The following LPIN1 variants were observed in gnomAD, a reference collection of about 807,000 sequenced individuals.
The protein encoded by LPIN1 is phosphatidate phosphatase LPIN1.
Under a neutral mutation model 107.5 loss-of-function variants are expected in LPIN1, and 71 were observed. That is an observed-to-expected ratio of 0.66 (90% CI 0.55 to 0.80). The LOEUF (loss-of-function observed/expected upper bound fraction) is 0.80. Among genes scored for constraint, LPIN1 ranks in the 30% least tolerant of loss-of-function variants. LPIN1 has a pLI of 0.00. For synonymous variants in LPIN1, 445 were observed against 452.6 expected (o/e 0.98, Z 0.21); for missense variants, 1,043 against 1,160.6 (o/e 0.90, Z 1.47).
intron 1 of LPIN1, among the ~76,000 whole-genome samples, chr2:11,679,020 G>A (rs1661571226): frequency 1.3e-5 from 2 of 152,174 alleles, no homozygotes; most frequent in African/African-American, 4.8e-5. Context: ...AGTTTGCCCG[G>A]TGCTGACTGA....
chr2:11,678,766 C>A (rs1347337187), intron 1 of LPIN1, among the ~76,000 whole-genome samples: 1 of 152,210 alleles, frequency 6.6e-6, no homozygotes, highest in Non-Finnish European at 1.5e-5. Context: ...CTGCTCCCAC[C>A]TCTGCACTGT....
At chr2:11,749,363 CTG>C (rs1023608467) in intron 1 of LPIN1, among the ~76,000 whole-genome samples, 7 of 152,130 alleles carry the variant, frequency 4.6e-5, no homozygotes, top group Admixed American at 3.3e-4. Context: ...TGAAGGGAAT[CTG>C]TGCCCCCTAG....
chr2:11,746,478 G>C (rs928617668), upstream of LPIN1: 1 of 184,696 alleles, frequency 5.4e-6, no homozygotes, highest in Non-Finnish European at 1.0e-5. Flanking sequence ...AGGGGTGAGC[G>C]GGCAGGGCCG....
In LPIN1 at chr2:11,805,161, G is replaced by A. The variant is rs777020024; in HGVS notation, c.2249+5G>A. On this transcript the variant is annotated splice_donor_5th_base_variant and intron_variant, in intron 17 of 20. Transcript: ENST00000674199. The stretch of plus-strand genomic sequence containing the variant: ...GCTGTACCATAAAGTGAGCCAGTGA[G>A]TACAGAGTTCCTGTTTCCCGCCTCC... 10 of 1,609,200 alleles carry A rather than the reference G, an allele frequency of 6.2e-6. No individual in the cohort carries two copies.
intron 18 of LPIN1, chr2:11,818,958 T>C (rs947479178): frequency 2.0e-5 from 3 of 153,142 alleles, no homozygotes; most frequent in African/African-American, 7.2e-5. Flanking sequence ...TGATAATGTG[T>C]TATATTGATT....
chr2:11,818,488 A>G (rs914050989), intron 18 of LPIN1: 1 of 152,100 alleles, frequency 6.6e-6, no homozygotes, highest in Non-Finnish European at 1.5e-5. Flanking sequence ...AATGCATGAA[A>G]ATGATGCGAT....
chr2:11,754,561 G>A (rs114953848), intron 1 of LPIN1, among the ~76,000 whole-genome samples: 8 of 152,324 alleles, frequency 5.3e-5, no homozygotes, highest in Admixed American at 2.0e-4. Context: ...GATGCTGCGG[G>A]TGAGAGCAGT....
intron 1 of LPIN1, among the ~76,000 whole-genome samples, chr2:11,710,624 G>A (rs4535018): frequency 0.98 from 148,736 of 152,328 alleles, 72,714 homozygotes; most frequent in South Asian, 1. Flanking sequence ...ACAGTATTCT[G>A]TCTTTTGATT....
chr2:11,772,883 G>A (rs1672085943), intron 4 of LPIN1, among the ~76,000 whole-genome samples: 1 of 152,102 alleles, frequency 6.6e-6, no homozygotes. Context: ...TTTTCGTGGT[G>A]AAAAATAAAT....
At chr2:11,797,139 A>G (rs899049725) in intron 14 of LPIN1, among the ~76,000 whole-genome samples, 1 of 152,248 alleles carries the variant, frequency 6.6e-6, no homozygotes, top group Non-Finnish European at 1.5e-5. Context: ...CCTGGAATTC[A>G]TTTTAACAAC....
At position 11,802,915 on chromosome 2, in the gene LPIN1, A is replaced by G. The variant is rs1371574952; in HGVS notation, c.1895A>G (p.His632Arg). 1 of 1,613,390 alleles carries G rather than the reference A, an allele frequency of 6.2e-7. No individual in the cohort carries two copies. The highest frequency in any genetic ancestry group is 8.5e-7 in the Non-Finnish European group (1 of 1,180,044). ...PQLSLATRVK[H>R]ESSSSDEERA... ...ATCACTGTGTGTTCCAGGGTAAAGCATGAATCATCCTCCAGTGATGAGGAG... is the reference window on the plus strand; with the variant it reads ...ATCACTGTGTGTTCCAGGGTAAAGCGTGAATCATCCTCCAGTGATGAGGAG... The change falls in exon 15 of 21, where the codon CAT becomes CGT. Residue 632 changes from histidine to arginine, a missense_variant. Coordinates refer to ENST00000674199, the MANE Select transcript of LPIN1 (RefSeq NM_001349206.2).
chr2:11,776,923 A>T (rs1672762961), intron 6 of LPIN1, among the ~76,000 whole-genome samples: 1 of 152,222 alleles, frequency 6.6e-6, no homozygotes, highest in African/African-American at 2.4e-5. Context: ...AGACCTCAGG[A>T]TGTACTTCAT....
rs1673704890 is a variant in LPIN1, at chr2:11,782,305, T to C, written c.1062T>C (p.Phe354=). 2 of 1,614,188 alleles carry C rather than the reference T, an allele frequency of 1.2e-6. No individual in the cohort carries two copies. The highest frequency in any genetic ancestry group is 1.7e-6 in the Non-Finnish European group (2 of 1,180,014). Residue 354 remains phenylalanine (F), a synonymous_variant, in exon 8 of 21, where the codon TTT becomes TTC. Transcript: ENST00000674199. ...TTCACAGCGAATCTTCAGACACTTT[T>C]AGTGACCAATCGCCAACTCTGGTCG... is the stretch of plus-strand genomic sequence containing the variant. ...QAIHSESSDT[F]SDQSPTLVGG... is the part of the protein sequence containing the mutation.
rs1163544723 is a variant in LPIN1, at chr2:11,697,928, C to A, written c.82-15828C>A. Among the ~76,000 whole-genome samples the A allele has an allele frequency of 6.6e-6, 1 of 152,132 alleles. No homozygotes were observed. The highest frequency in any genetic ancestry group is 2.4e-5 in the African/African-American group (1 of 41,420). On this transcript the variant is annotated intron_variant, in intron 1 of 21. Coordinates refer to the LPIN1 transcript ENST00000449576. The surrounding 1 kb of genome is among the most constrained non-coding windows in gnomAD (Gnocchi z 4.6). Reference sequence around the variant, plus strand: ...GTCACAAGCCAGACTAGTCACGCACCCCCGGCTGTGGGTGGCTTCCTGACC... The same window carrying A: ...GTCACAAGCCAGACTAGTCACGCACACCCGGCTGTGGGTGGCTTCCTGACC...
chr2:11,749,308 C>T (rs1000628597), intron 1 of LPIN1, among the ~76,000 whole-genome samples: 1 of 152,158 alleles, frequency 6.6e-6, no homozygotes, highest in African/African-American at 2.4e-5. Context: ...CGAGGGGACA[C>T]ACCCACACTG....
At chr2:11,756,895 A>C (rs1277351823) in intron 1 of LPIN1, among the ~76,000 whole-genome samples, 1 of 152,184 alleles carries the variant, frequency 6.6e-6, no homozygotes, top group Non-Finnish European at 1.5e-5. Flanking sequence ...ACCTCAGAAA[A>C]TTTGTATTAT....
At chr2:11,797,774 G>T (rs1355662819) in intron 14 of LPIN1, among the ~76,000 whole-genome samples, 1 of 152,212 alleles carries the variant, frequency 6.6e-6, no homozygotes, top group Non-Finnish European at 1.5e-5. Context: ...TTGGACTGTG[G>T]ATTTTGAGTT....
intron 12 of LPIN1, among the ~76,000 whole-genome samples, chr2:11,790,861 C>A (rs1675599364): frequency 6.6e-6 from 1 of 152,198 alleles, no homozygotes; most frequent in Admixed American, 6.5e-5. Flanking sequence ...ACTTACTACT[C>A]TTCTGCCTGA....
At position 11,698,877 on chromosome 2, in the gene LPIN1, C is replaced by A. The variant is rs79858348; in HGVS notation, c.82-14879C>A. 1.7e-3 allele frequency among the ~76,000 whole-genome samples: 253 copies of A among 152,358 alleles called. 1 individual carries two copies. Among genetic ancestry groups the A allele is most frequent in the Non-Finnish European group, 3.1e-3 (211 of 68,042 alleles). On this transcript the variant is annotated intron_variant, in intron 1 of 21. Transcript: ENST00000449576. The stretch of plus-strand genomic sequence containing the variant: ...CTTGGGCCCACTGCCTGAGCTCACA[C>A]CCTGCCTGTAGAACTTGTGCCTCCT...
Sources: allele counts gnomAD v4.1 joint callset (sites outside exome capture counted in the v4.1 genomes callset), GRCh38; gene constraint gnomAD v4.1.1; non-coding constraint Gnocchi (gnomAD v3.1); transcripts MANE v1.5; gene names NCBI Gene and HGNC (gene_info 2026-07-23, HGNC 2026-07-21).